BPIFB4: variants seen among roughly 807,000 people sequenced by gnomAD.
The protein encoded by BPIFB4 is BPI fold-containing family B member 4.
Under a neutral mutation model 69.2 loss-of-function variants are expected in BPIFB4, and 62 were observed. The ratio of observed to expected loss-of-function variants is 0.90; its 90% CI spans 0.73 to 1.11. BPIFB4 has a LOEUF of 1.11. Ranked by LOEUF, BPIFB4 falls within the 50% of genes least tolerant of loss-of-function variation. The pLI, the probability that BPIFB4 is intolerant of heterozygous loss-of-function variation, is 0.00. For synonymous variants in BPIFB4, 330 were observed against 332.7 expected (o/e 0.99, Z 0.09); for missense variants, 789 against 792.0 (o/e 1.00, Z 0.04).
intron 12 of BPIFB4, among the ~76,000 whole-genome samples, chr20:33,096,538 G>T (rs894348982): frequency 6.6e-6 from 1 of 152,204 alleles, no homozygotes; most frequent in African/African-American, 2.4e-5. Context: ...GCCTCCCAAA[G>T]TGCTGGGAGT....
At chr20:33,082,813 C>A in intron 3 of BPIFB4, 125 bp from the exon 4 acceptor site, 1 of 919,050 alleles carries the variant, frequency 1.1e-6, no homozygotes, top group Non-Finnish European at 1.8e-6. Context: ...TCCCGTTCAG[C>A]CTCTGCTCTT....
chr20:33,090,577 C>G (rs1947692683), intron 9 of BPIFB4, 131 bp from the exon 10 acceptor site: 1 of 1,450,210 alleles, frequency 6.9e-7, no homozygotes. Flanking sequence ...AAACCCAGAA[C>G]TTTTGCTCTT....
At chr20:33,100,348 G>T in intron 13 of BPIFB4, 78 bp from the exon 14 acceptor site, 1 of 1,269,200 alleles carries the variant, frequency 7.9e-7, no homozygotes, top group South Asian at 1.3e-5. Context: ...AGCTAGCACT[G>T]GGCACACAAT....
intron 13 of BPIFB4, among the ~76,000 whole-genome samples, chr20:33,098,386 C>G (rs1981816101): frequency 6.6e-6 from 1 of 152,100 alleles, no homozygotes; most frequent in Non-Finnish European, 1.5e-5. Flanking sequence ...TACCTGGTAC[C>G]TAGCAGGGGA....
At chr20:33,100,608 G>A in intron 14 of BPIFB4, 115 bp downstream of exon 14, 1 of 917,320 alleles carries the variant, frequency 1.1e-6, no homozygotes, top group South Asian at 1.7e-5. Flanking sequence ...AAACCCAAGG[G>A]GCTGCAAAGG....
intron 14 of BPIFB4, 47 bp downstream of exon 14, chr20:33,100,540 C>A: frequency 6.5e-7 from 1 of 1,538,128 alleles, no homozygotes; most frequent in Non-Finnish European, 9.0e-7. Context: ...TGGTGCTGCT[C>A]ATGGAGGAGC....
intron 13 of BPIFB4, among the ~76,000 whole-genome samples, chr20:33,098,744 CAAAA>C (rs11331998): frequency 2.8e-5 from 3 of 107,402 alleles, no homozygotes; most frequent in Non-Finnish European, 3.9e-5. Context: ...GACTCCATCT[CAAAA>C]AAAAAAAAAA....
intron 16 of BPIFB4, among the ~76,000 whole-genome samples, chr20:33,105,349 T>A (rs1302228714): frequency 6.6e-6 from 1 of 152,228 alleles, no homozygotes; most frequent in Non-Finnish European, 1.5e-5. Flanking sequence ...AAAAGTTCCA[T>A]TGGCGCAGAT....
chr20:33,087,753 C>A lies in BPIFB4; in HGVS notation c.927-1213C>A, dbSNP rs6119320. Among the ~76,000 whole-genome samples the A allele has an allele frequency of 3.4e-3, 476 of 140,608 alleles. 3 individuals carry two copies. The highest frequency in any genetic ancestry group is 4.8e-3 in the South Asian group (21 of 4,348). 92.2% of individuals were successfully genotyped at this position (140,608 alleles called of 152,430 possible). On this transcript the variant is annotated intron_variant, in intron 7 of 17. Transcript: ENST00000375483. Reference sequence around the variant, plus strand: ...ACACACACACACACACACACACACACAAGCATGCATGCATACACACACATA... The same window carrying A: ...ACACACACACACACACACACACACAAAAGCATGCATGCATACACACACATA...
In BPIFB4 at chr20:33,102,873, G is replaced by A. The variant is rs919207060; in HGVS notation, c.1638-99G>A. ...ATCCCTGCAGGTGGAGAGTGATCGT[G>A]AGGATAGTGGAGGGGCTTCTCACAA... On this transcript the variant is annotated intron_variant, in intron 14 of 17. Coordinates refer to ENST00000375483, the MANE Select transcript of BPIFB4 (RefSeq NM_182519.3). The A allele has an allele frequency of 3.3e-6, 4 of 1,197,152 alleles. No homozygotes were observed. In the East Asian group the frequency reaches 7.0e-5, roughly 21 times the overall value. The allele number at this position is 1,197,152 out of a possible 1,614,324, so 74.2% of individuals were successfully genotyped here.
At chr20:33,083,256 G>A in intron 4 of BPIFB4, 111 bp from the exon 5 acceptor site, 1 of 997,908 alleles carries the variant, frequency 1.0e-6, no homozygotes. Flanking sequence ...GGCAGTGGTG[G>A]GGGGTTGCTG....
At chr20:33,084,837 T>G in intron 5 of BPIFB4, 55 bp from the exon 6 acceptor site, 1 of 1,578,012 alleles carries the variant, frequency 6.3e-7, no homozygotes, top group Non-Finnish European at 8.6e-7. Flanking sequence ...GGCGCTCGGG[T>G]GAGTGGGTGG....
At position 33,089,464 on chromosome 20, in the gene BPIFB4, G is replaced by A. The variant is rs139378783; in HGVS notation, c.991-34G>A. 6.6e-5 allele frequency: 106 copies of A among 1,614,134 alleles called. No homozygotes were observed. The Admixed American group carries it at 1.6e-3, about 24-fold the overall frequency. ...CTCCCTTGCTCCTACTCCCTGCAGC[G>A]TCAACAAGGCTTTGTGCCATTTCTC... is the stretch of plus-strand genomic sequence containing the variant. On this transcript the variant is annotated intron_variant, in intron 8 of 17. Transcript: ENST00000375483.
At chr20:33,098,961 T>C (rs1388676156) in intron 13 of BPIFB4, among the ~76,000 whole-genome samples, 1 of 151,260 alleles carries the variant, frequency 6.6e-6, no homozygotes, top group Non-Finnish European at 1.5e-5. Flanking sequence ...CCCCCAGGTA[T>C]CTGCACAGTT....
chr20:33,098,638 G>A lies in BPIFB4; in HGVS notation c.1569+851G>A, dbSNP rs145390335. ...CACACACCTGTAGTCCCAGCTACTC[G>A]GGAGGCTGAGGCACGAGAATCGCTT... On this transcript the variant is annotated intron_variant, in intron 13 of 17. Coordinates refer to ENST00000375483, the MANE Select transcript of BPIFB4 (RefSeq NM_182519.3). Among the ~76,000 whole-genome samples, 64 of 151,808 alleles carry A rather than the reference G, an allele frequency of 4.2e-4. 1 individual carries two copies. The highest frequency in any genetic ancestry group is 1.4e-3 in the African/African-American group (58 of 41,374).
intron 16 of BPIFB4, among the ~76,000 whole-genome samples, chr20:33,106,991 G>A (rs867450783): frequency 1.3e-5 from 2 of 151,964 alleles, no homozygotes; most frequent in Non-Finnish European, 2.9e-5. Context: ...GGAGCACGAG[G>A]TCAGGAGTTC....
At chr20:33,093,801 A>G (rs746288064) in intron 11 of BPIFB4, among the ~76,000 whole-genome samples, 2 of 151,288 alleles carry the variant, frequency 1.3e-5, no homozygotes, top group African/African-American at 2.4e-5. Context: ...CCATCCACCC[A>G]TCTATCCACC....
chr20:33,094,215 C>T (rs1981693632), intron 11 of BPIFB4, among the ~76,000 whole-genome samples: 1 of 152,182 alleles, frequency 6.6e-6, no homozygotes, highest in Non-Finnish European at 1.5e-5. Flanking sequence ...ATGCCCAAAG[C>T]TCTCCACAGA....
chr20:33,093,303 C>T (rs1981661945), intron 11 of BPIFB4, among the ~76,000 whole-genome samples: 1 of 151,714 alleles, frequency 6.6e-6, no homozygotes, highest in African/African-American at 2.4e-5. Flanking sequence ...ATCCATCCAC[C>T]CATCCACCCA....
Sources: gnomAD v4.1 joint callset for allele counts (sites outside exome capture counted in the v4.1 genomes callset) on GRCh38, gnomAD v4.1.1 for gene constraint, MANE v1.5 for transcripts, NCBI Gene and HGNC (gene_info 2026-07-23, HGNC 2026-07-21) for gene names.